Variants in MS4A14 observed in about 807,000 individuals in gnomAD.
MS4A14 encodes the protein membrane spanning 4-domains A14, also known as membrane-spanning 4-domains subfamily A member 14.
MS4A14 carries 18 observed loss-of-function variants against 16.7 expected under a neutral mutation model. The observed-to-expected ratio is 1.08, with a 90% CI of 0.75 to 1.60. The LOEUF (loss-of-function observed/expected upper bound fraction) is 1.60. Ranked by LOEUF, MS4A14 falls within the 40% of genes most tolerant of loss-of-function variation. The pLI, the probability that MS4A14 is intolerant of heterozygous loss-of-function variation, is 0.00. For synonymous variants in MS4A14, 305 were observed against 289.4 expected (o/e 1.05, Z -0.55); for missense variants, 812 against 775.3 (o/e 1.05, Z -0.56).
rs1022618137 is a variant in MS4A14 at position 60,416,473 on chromosome 11, C to G, written c.1505C>G (p.Ser502Cys). ...TKALQYLRRH[S>C]LDVQAKGQKS... ...GCCTTGCAATACTTAAGGAGACATT[C>G]TTTAGACGTGCAAGCCAAAGGCCAG... The change falls in exon 5 of 5, where the codon TCT becomes TGT. Residue 502 changes from serine (S) to cysteine (C), a missense_variant. Coordinates refer to ENST00000300187, the MANE Select transcript of MS4A14 (RefSeq NM_032597.5). 2.9e-5 allele frequency: 47 copies of G among 1,613,828 alleles called. No homozygotes were observed. The highest frequency in any genetic ancestry group is 3.2e-5 in the Non-Finnish European group (38 of 1,179,974).
Position 60,402,926 on chromosome 11 carries a change from G to C in MS4A14, c.333G>C (p.Thr111=), listed in dbSNP as rs371907012. The C allele has an allele frequency of 6.2e-7, 1 of 1,613,504 alleles. No homozygotes were observed. The highest frequency in any genetic ancestry group is 8.5e-7 in the Non-Finnish European group (1 of 1,179,652). The change falls in exon 4 of 5, where the codon ACG becomes ACC. Residue 111 remains threonine (T), a synonymous_variant. Transcript: ENST00000300187. ...KKSKLLGQGV[T]GMNVISSLVA... is the part of the protein sequence containing the mutation. Reference sequence around the variant, plus strand: ...CTATCTTTCAGGGTCAAGGTGTCACGGGCATGAATGTTATCAGCTCCTTGG... The same window carrying C: ...CTATCTTTCAGGGTCAAGGTGTCACCGGCATGAATGTTATCAGCTCCTTGG...
chr11:60,402,307 G>A (rs1015532595), intron 3 of MS4A14, among the ~76,000 whole-genome samples: 8 of 152,064 alleles, frequency 5.3e-5, no homozygotes, highest in South Asian at 4.2e-4. Context: ...AAATGTTAAC[G>A]ATTCTGTTGA....
chr11:60,415,397 G>A (rs2085922819), intron 4 of MS4A14, 40 bp from the exon 5 acceptor site: 3 of 1,530,826 alleles, frequency 2.0e-6, no homozygotes, highest in Non-Finnish European at 2.6e-6. Flanking sequence ...AATCAGACAT[G>A]ATTCTGTCAT....
intron 2 of MS4A14, 101 bp from the exon 3 acceptor site, chr11:60,400,303 T>G: frequency 1.4e-6 from 1 of 722,940 alleles, no homozygotes; most frequent in Non-Finnish European, 2.4e-6. Context: ...GGGATGGTCT[T>G]GGAGATTCAC....
At chr11:60,409,007 T>C (rs1393238975) in intron 4 of MS4A14, among the ~76,000 whole-genome samples, 2 of 152,226 alleles carry the variant, frequency 1.3e-5, no homozygotes. Context: ...CCATTTATTT[T>C]TAATTTTCAA....
At chr11:60,414,968 T>A (rs72926659) in intron 4 of MS4A14, among the ~76,000 whole-genome samples, 27 of 152,274 alleles carry the variant, frequency 1.8e-4, no homozygotes, top group Admixed American at 7.2e-4. Context: ...TACCTATTTA[T>A]GTAATTGCAT....
At chr11:60,405,534 T>C (rs1308719991) in intron 4 of MS4A14, among the ~76,000 whole-genome samples, 1 of 152,228 alleles carries the variant, frequency 6.6e-6, no homozygotes. Context: ...GTATATATGT[T>C]CTATCTGGCT....
intron 4 of MS4A14, among the ~76,000 whole-genome samples, chr11:60,407,942 T>C (rs2085811896): frequency 6.6e-6 from 1 of 152,220 alleles, no homozygotes; most frequent in South Asian, 2.1e-4. Flanking sequence ...TTTTGTGTTC[T>C]GTTTAACAGG....
intron 2 of MS4A14, among the ~76,000 whole-genome samples, chr11:60,399,964 G>A (rs1017750916): frequency 2.6e-5 from 4 of 152,056 alleles, no homozygotes; most frequent in African/African-American, 4.8e-5. Context: ...TAGGCTCTAC[G>A]ATCATGGGAA....
intron 2 of MS4A14, among the ~76,000 whole-genome samples, chr11:60,398,340 A>G (rs1426949332): frequency 6.6e-6 from 1 of 152,216 alleles, no homozygotes; most frequent in Non-Finnish European, 1.5e-5. Flanking sequence ...GCTAGCACTC[A>G]TGGAATCACA....
chr11:60,403,776 A>G (rs1049304130), intron 4 of MS4A14, among the ~76,000 whole-genome samples: 1 of 152,108 alleles, frequency 6.6e-6, no homozygotes, highest in Admixed American at 6.6e-5. Flanking sequence ...TTTTATTCCT[A>G]CCAGCTATAT....
chr11:60,409,576 A>G (rs1590816260), intron 4 of MS4A14, among the ~76,000 whole-genome samples: 1 of 147,276 alleles, frequency 6.8e-6, no homozygotes, highest in Admixed American at 6.9e-5. Flanking sequence ...TATAATGTAT[A>G]TTTTATATAT....
chr11:60,416,576 A>C lies in MS4A14; in HGVS notation c.1608A>C (p.Gln536His). The C allele has an allele frequency of 6.2e-7, 1 of 1,613,926 alleles. No individual in the cohort carries two copies. The highest frequency in any genetic ancestry group is 2.2e-5 in the East Asian group (1 of 44,884). Reference protein sequence around the residue: ...QSPKQKSLDQQIKDWLSPKRH... With the variant: ...QSPKQKSLDQHIKDWLSPKRH... ...CAAAGCAGAAATCCTTAGACCAGCA[A>C]ATCAAAGACTGGCTATCCCCAAAGA... Residue 536 changes from glutamine (Q) to histidine (H), a missense_variant, in exon 5 of 5, where the codon CAA (glutamine) becomes CAC (histidine). Coordinates refer to ENST00000300187, the MANE Select transcript of MS4A14 (RefSeq NM_032597.5).
Position 60,416,255 on chromosome 11 carries a change from A to T in MS4A14, c.1287A>T (p.Glu429Asp). 1.9e-6 allele frequency: 3 copies of T among 1,614,048 alleles called. No individual in the cohort carries two copies. The South Asian group carries it at 3.3e-5, about 18-fold the overall frequency. Residue 429 changes from glutamate (E) to aspartate (D), a missense_variant, in exon 5 of 5, where the codon GAA becomes GAT. By Grantham distance (45) the Glu-to-Asp change is conservative. Coordinates refer to ENST00000300187, the MANE Select transcript of MS4A14 (RefSeq NM_032597.5). The stretch of plus-strand genomic sequence containing the variant: ...CATCCCATATTGTGCAGTTCCCTGA[A>T]ATACAACACCTACTTCAGCAGCCCC... ...ASTSHIVQFP[E>D]IQHLLQQPPD...
intron 4 of MS4A14, among the ~76,000 whole-genome samples, chr11:60,406,911 A>C (rs144039893): frequency 6.3e-4 from 95 of 151,146 alleles, no homozygotes; most frequent in African/African-American, 2.1e-3. Context: ...TCTTCCACAC[A>C]GAAATATGTT....
At position 60,416,419 on chromosome 11, in the gene MS4A14, G is replaced by A; in HGVS notation, c.1451G>A (p.Arg484Lys). 6.2e-7 allele frequency: 1 copy of A among 1,613,972 alleles called. No homozygotes were observed. The highest frequency in any genetic ancestry group is 1.1e-5 in the South Asian group (1 of 91,080). The change falls in exon 5 of 5, where the codon AGA (arginine) becomes AAA (lysine). Residue 484 changes from arginine to lysine, a missense_variant. Physicochemically the swap from Arg to Lys is conservative, Grantham distance 26. Coordinates refer to ENST00000300187, the MANE Select transcript of MS4A14 (RefSeq NM_032597.5). Reference sequence around the variant, plus strand: ...GAACTCCATAGAAGAAAATCCTCAAGACGGCATTCCTTAAACCAGCAAACC... The same window carrying A: ...GAACTCCATAGAAGAAAATCCTCAAAACGGCATTCCTTAAACCAGCAAACC... The part of the protein sequence containing the change: ...EEELHRRKSS[R>K]RHSLNQQTKA...
intron 4 of MS4A14, among the ~76,000 whole-genome samples, chr11:60,411,002 T>C (rs1175339650): frequency 6.6e-6 from 1 of 152,052 alleles, no homozygotes; most frequent in African/African-American, 2.4e-5. Context: ...CATGCCACCA[T>C]GCCAGGCTAA....
rs781427696 is a variant in MS4A14, at chr11:60,415,869, C to T, written c.901C>T (p.Leu301Phe). The T allele has an allele frequency of 6.2e-7, 1 of 1,613,964 alleles. No individual in the cohort carries two copies. Among genetic ancestry groups the T allele is most frequent in the South Asian group, 1.1e-5 (1 of 91,078 alleles). ...GCTTCTGCAGGACCAAGCTGCGTCACTCCAAGTTTTTCCATCCCATTCTGC... is the reference window on the plus strand; with the variant it reads ...GCTTCTGCAGGACCAAGCTGCGTCATTCCAAGTTTTTCCATCCCATTCTGC... ...TKLLQDQAAS[L>F]QVFPSHSALK... Residue 301 changes from leucine (L) to phenylalanine (F), a missense_variant, in exon 5 of 5, where the codon CTC (leucine) becomes TTC (phenylalanine). Leu to Phe is a conservative substitution (Grantham distance 22, BLOSUM62 0). Transcript: ENST00000300187.
intron 4 of MS4A14, chr11:60,405,967 TG>T (rs2085780593): frequency 6.5e-7 from 1 of 1,527,678 alleles, no homozygotes; most frequent in South Asian, 1.2e-5. Flanking sequence ...TAGAAGCAAG[TG>T]CTGGACACAG....
Sources: allele counts gnomAD v4.1 joint callset (sites outside exome capture counted in the v4.1 genomes callset), GRCh38; gene constraint gnomAD v4.1.1; transcripts MANE v1.5; gene names NCBI Gene and HGNC (gene_info 2026-07-23, HGNC 2026-07-21).